GPC5: variants seen among roughly 807,000 people sequenced by gnomAD.
The protein encoded by GPC5 is glypican-5.
A neutral mutation model predicts 53.9 loss-of-function variants in GPC5; 47 were observed. The ratio of observed to expected loss-of-function variants is 0.87; its 90% CI spans 0.69 to 1.11. The LOEUF is 1.11. Among genes scored for constraint, GPC5 ranks in the 50% most tolerant of loss-of-function variants. GPC5 has a pLI of 0.00. For missense variants in GPC5, 748 were observed against 713.1 expected, an observed-to-expected ratio of 1.05 and a Z score of -0.56; for synonymous variants, 286 against 263.3, an observed-to-expected ratio of 1.09 and a Z score of -0.84.
intron 6 of GPC5, among the ~76,000 whole-genome samples, chr13:92,041,779 C>T (rs1474668186): frequency 6.6e-6 from 1 of 152,174 alleles, no homozygotes; most frequent in Non-Finnish European, 1.5e-5. Flanking sequence ...AAACAACACT[C>T]GACGAAAGTG....
chr13:91,595,679 T>G (rs1391749672), intron 2 of GPC5, among the ~76,000 whole-genome samples: 1 of 152,210 alleles, frequency 6.6e-6, no homozygotes, highest in African/African-American at 2.4e-5. Flanking sequence ...TTGTTTTATA[T>G]TTCAAAAAGC....
intron 5 of GPC5, among the ~76,000 whole-genome samples, chr13:91,800,209 A>G (rs551781184): frequency 6.6e-6 from 1 of 152,264 alleles, no homozygotes. Flanking sequence ...AAATTTATTC[A>G]GACACTTGTA....
intron 7 of GPC5, among the ~76,000 whole-genome samples, chr13:92,750,290 T>C (rs1041303458): frequency 2.6e-5 from 4 of 152,200 alleles, no homozygotes; most frequent in African/African-American, 9.6e-5. Flanking sequence ...TCTGTGATGA[T>C]ACTCTACAGA....
rs774001219 is a variant in GPC5 at position 91,448,870 on chromosome 13, G to A, written c.273G>A (p.Thr91=). 16 of 1,613,456 alleles carry A rather than the reference G, an allele frequency of 9.9e-6. No individual in the cohort carries two copies. Among genetic ancestry groups the A allele is most frequent in the South Asian group, 2.2e-5 (2 of 91,060 alleles). Residue 91 remains threonine (T), a synonymous_variant, in exon 2 of 8, where the codon ACG becomes ACA. Transcript: ENST00000377067. ...ARQDMQQFLQ[T]SSSTLKFLIS... ...AGGATATGCAGCAGTTTCTTCAAACGTCCAGCTCTACATTAAAGTTTCTAA... is the reference window on the plus strand; with the variant it reads ...AGGATATGCAGCAGTTTCTTCAAACATCCAGCTCTACATTAAAGTTTCTAA...
chr13:91,652,076 T>C (rs73609975), intron 2 of GPC5, among the ~76,000 whole-genome samples: 9,879 of 152,222 alleles, frequency 0.065, 1,081 homozygotes, highest in African/African-American at 0.22. Flanking sequence ...AAATATTGTC[T>C]CTCCTTATCT....
At chr13:92,600,056 T>C (rs1234177612) in intron 7 of GPC5, among the ~76,000 whole-genome samples, 1 of 152,180 alleles carries the variant, frequency 6.6e-6, no homozygotes, top group African/African-American at 2.4e-5. Context: ...AGGCCACTTG[T>C]TATTACTCTA....
chr13:92,176,040 A>G (rs1190529184), intron 7 of GPC5, among the ~76,000 whole-genome samples: 1 of 152,146 alleles, frequency 6.6e-6, no homozygotes, highest in Non-Finnish European at 1.5e-5. Flanking sequence ...TTTGCTCCTT[A>G]CCCATTGCTA....
At chr13:92,829,679 C>T (rs764861591) in intron 7 of GPC5, among the ~76,000 whole-genome samples, 4 of 152,016 alleles carry the variant, frequency 2.6e-5, no homozygotes, top group Admixed American at 6.6e-5. Flanking sequence ...ATATAAATGG[C>T]ATTCAAATGC....
chr13:91,733,674 A>AT (rs972769976), intron 4 of GPC5, among the ~76,000 whole-genome samples: 2 of 152,108 alleles, frequency 1.3e-5, no homozygotes, highest in Admixed American at 6.5e-5. Context: ...TTGCACAATG[A>AT]TTTTTTTATC....
intron 7 of GPC5, among the ~76,000 whole-genome samples, chr13:92,655,735 C>T (rs550939947): frequency 6.6e-6 from 1 of 152,092 alleles, no homozygotes; most frequent in Non-Finnish European, 1.5e-5. Flanking sequence ...GACAACAGAC[C>T]AGATGCTTCT....
At chr13:92,728,489 A>C (rs947331666) in intron 7 of GPC5, among the ~76,000 whole-genome samples, 3 of 151,474 alleles carry the variant, frequency 2.0e-5, no homozygotes, top group African/African-American at 7.3e-5. Flanking sequence ...ACATAGAGAA[A>C]TTTAGTGAAC....
chr13:92,286,499 T>C (rs61966613), intron 7 of GPC5, among the ~76,000 whole-genome samples: 6,649 of 152,164 alleles, frequency 0.044, 197 homozygotes, highest in Non-Finnish European at 0.069. Context: ...TGTCCATCAA[T>C]GATAGACTGG....
chr13:91,581,802 CCCACACACACAA>C (rs2032371963), intron 2 of GPC5, among the ~76,000 whole-genome samples: 1 of 151,984 alleles, frequency 6.6e-6, no homozygotes, highest in African/African-American at 2.4e-5. Context: ...CACACACACA[CCCACACACACAA>C]ACACACAATC....
intron 7 of GPC5, among the ~76,000 whole-genome samples, chr13:92,256,075 C>T (rs970005999): frequency 2.6e-5 from 4 of 151,594 alleles, no homozygotes; most frequent in Non-Finnish European, 5.9e-5. Flanking sequence ...AAAATATTGC[C>T]GTATCTATAA....
chr13:92,355,881 CA>C (rs1269247604), intron 7 of GPC5, among the ~76,000 whole-genome samples: 7 of 115,418 alleles, frequency 6.1e-5, no homozygotes, highest in Non-Finnish European at 1.0e-4. Context: ...TTGACCCTAT[CA>C]TTTTTTTTTT....
At chr13:92,593,598 C>G (rs1180105209) in intron 7 of GPC5, among the ~76,000 whole-genome samples, 1 of 150,946 alleles carries the variant, frequency 6.6e-6, no homozygotes, top group African/African-American at 2.4e-5. Context: ...ATTTTATCAA[C>G]AGAAAGTACG....
chr13:92,408,484 T>C (rs957973289), intron 7 of GPC5, among the ~76,000 whole-genome samples: 1 of 152,130 alleles, frequency 6.6e-6, no homozygotes, highest in Non-Finnish European at 1.5e-5. Flanking sequence ...TTATGTTTTA[T>C]ATATTTAAGT....
At chr13:92,302,937 C>T (rs1354167183) in intron 7 of GPC5, among the ~76,000 whole-genome samples, 2 of 152,182 alleles carry the variant, frequency 1.3e-5, no homozygotes, top group Non-Finnish European at 2.9e-5. Flanking sequence ...TGTCTCTATA[C>T]TCATTCTTAT....
intron 6 of GPC5, among the ~76,000 whole-genome samples, chr13:92,064,452 T>C (rs993412450): frequency 6.6e-6 from 1 of 152,064 alleles, no homozygotes; most frequent in Non-Finnish European, 1.5e-5. Flanking sequence ...AGGAGAAGCT[T>C]AGAGATTTTA....
Sources: allele counts gnomAD v4.1 joint callset (sites outside exome capture counted in the v4.1 genomes callset), GRCh38; gene constraint gnomAD v4.1.1; transcripts MANE v1.5; gene names NCBI Gene and HGNC (gene_info 2026-07-23, HGNC 2026-07-21).